Variants in FTO observed in about 807,000 individuals in gnomAD.
FTO encodes alpha-ketoglutarate-dependent dioxygenase FTO.
A neutral mutation model predicts 63.9 loss-of-function variants in FTO; 47 were observed. That is an observed-to-expected ratio of 0.74 (90% CI 0.58 to 0.94). The LOEUF (loss-of-function observed/expected upper bound fraction) is 0.94, where lower values mean the gene tolerates loss of function less well. Among genes scored for constraint, FTO ranks in the 40% least tolerant of loss-of-function variants. The probability of loss-of-function intolerance (pLI) is 0.00; values close to 1 mark genes in which losing one functional copy is unlikely to be tolerated. For missense variants in FTO, 562 were observed against 618.1 expected (o/e 0.91, Z 0.96); for synonymous variants, 207 against 224.4 (o/e 0.92, Z 0.69).
intron 8 of FTO, among the ~76,000 whole-genome samples, chr16:53,984,657 G>A (rs2083625130): frequency 6.6e-6 from 1 of 152,084 alleles, no homozygotes; most frequent in African/African-American, 2.4e-5. Flanking sequence ...TGTGAGGCAG[G>A]ACAGTATTCA....
At chr16:53,967,562 G>T (rs1407888192) in intron 8 of FTO, among the ~76,000 whole-genome samples, 1 of 152,136 alleles carries the variant, frequency 6.6e-6, no homozygotes, top group East Asian at 1.9e-4. Flanking sequence ...ACAAGCCAAC[G>T]CAGTGAAATT....
At position 53,934,042 on chromosome 16, in the gene FTO, G is replaced by A; in HGVS notation, c.1297G>A (p.Glu433Lys). 1 of 1,614,136 alleles carries A rather than the reference G, an allele frequency of 6.2e-7. No homozygotes were observed. The highest frequency in any genetic ancestry group is 1.7e-5 in the Admixed American group (1 of 60,032). Residue 433 changes from glutamate to lysine, a missense_variant, in exon 8 of 9, where the codon GAA becomes AAA. Physicochemically the swap from Glu to Lys is moderately conservative, Grantham distance 56. Coordinates refer to ENST00000471389, the MANE Select transcript of FTO (RefSeq NM_001080432.3). Reference sequence around the variant, plus strand: ...GGGGCTCCCCGTGGAACAAAGGAATGAAATCTTGACTGCCATCCTTGCCTC... The same window carrying A: ...GGGGCTCCCCGTGGAACAAAGGAATAAAATCTTGACTGCCATCCTTGCCTC... Reference protein sequence around the residue: ...REGLPVEQRNEILTAILASLT... With the variant: ...REGLPVEQRNKILTAILASLT...
At position 54,120,050 on chromosome 16, in the gene FTO, G is replaced by A. The variant is rs1479370496; in HGVS notation, c.*8135G>A. 1 of 152,232 alleles carries A rather than the reference G, an allele frequency of 6.6e-6. No homozygotes were observed. Among genetic ancestry groups the A allele is most frequent in the Non-Finnish European group, 1.5e-5 (1 of 68,048 alleles). 9.4% of individuals were successfully genotyped at this position (152,232 alleles called of 1,614,324 possible). A position where few individuals can be genotyped will look rare whatever the true frequency, so the allele number is the denominator to read the frequency against. On this transcript the variant is annotated 3_prime_UTR_variant, in exon 9 of 9. Transcript: ENST00000471389. ...TAAGTGAGCTGTGCGTGCAGAATGG[G>A]AGAGGCATCCCTGCCAAGGACTTCA...
At chr16:53,766,338 A>G (rs901144346) in intron 1 of FTO, among the ~76,000 whole-genome samples, 6 of 151,892 alleles carry the variant, frequency 4.0e-5, no homozygotes, top group African/African-American at 1.5e-4. Flanking sequence ...CGATCCTCTC[A>G]CCTTAGTCTC....
At chr16:53,854,567 C>T (rs993950556) in intron 4 of FTO, among the ~76,000 whole-genome samples, 2 of 151,598 alleles carry the variant, frequency 1.3e-5, no homozygotes, top group African/African-American at 2.4e-5. Flanking sequence ...TCCAGTATAT[C>T]CTTTGTCGAA....
intron 8 of FTO, among the ~76,000 whole-genome samples, chr16:54,085,773 A>G (rs1271644707): frequency 6.6e-6 from 1 of 152,156 alleles, no homozygotes; most frequent in African/African-American, 2.4e-5. Context: ...AGAAACCTAC[A>G]TACCCTCCGA....
chr16:54,078,430 G>T (rs1257689635), intron 8 of FTO, among the ~76,000 whole-genome samples: 1 of 145,510 alleles, frequency 6.9e-6, no homozygotes, highest in Non-Finnish European at 1.5e-5. Context: ...ATATATATTT[G>T]CACACACACA....
chr16:54,035,290 C>A (rs539418202), intron 8 of FTO, among the ~76,000 whole-genome samples: 5 of 152,252 alleles, frequency 3.3e-5, no homozygotes, highest in African/African-American at 9.6e-5. Flanking sequence ...GAAATGAAAC[C>A]CCTACGAGGC....
At chr16:53,795,772 G>A (rs764945196) in intron 1 of FTO, among the ~76,000 whole-genome samples, 6 of 152,092 alleles carry the variant, frequency 3.9e-5, no homozygotes, top group East Asian at 1.9e-4. Flanking sequence ...AATTACCTAC[G>A]AAAGAAAGAT....
At chr16:53,805,511 G>A (rs1033494558) in intron 1 of FTO, among the ~76,000 whole-genome samples, 2 of 146,366 alleles carry the variant, frequency 1.4e-5, no homozygotes, top group Non-Finnish European at 3.0e-5. Context: ...GCAGTGGCGT[G>A]ATCTCGGCTC....
chr16:53,937,341 G>T, intron 8 of FTO: 3 of 398,502 alleles, frequency 7.5e-6, no homozygotes, highest in Non-Finnish European at 1.3e-5. Flanking sequence ...ATTCGCCTTT[G>T]TTTATCCAGT....
intron 8 of FTO, among the ~76,000 whole-genome samples, chr16:54,049,634 A>T (rs1434324947): frequency 1.3e-5 from 2 of 152,222 alleles, no homozygotes; most frequent in African/African-American, 2.4e-5. Context: ...TTTGCATTTA[A>T]CTCATTCAAG....
In FTO at chr16:53,825,994, T is replaced by A. The variant is rs2078995743; in HGVS notation, c.254T>A (p.Ile85Asn). Residue 85 changes from isoleucine to asparagine, a missense_variant, in exon 3 of 9, where the codon ATC (isoleucine) becomes AAC (asparagine). By Grantham distance (149) the Ile-to-Asn change is moderately radical. Coordinates refer to ENST00000471389, the MANE Select transcript of FTO (RefSeq NM_001080432.3). ...TGCTTATTTCGGGACCTGGTTAGGA[T>A]CCAAGGCAAAGATCTGCTCACTCCG... ...HGCLFRDLVR[I>N]QGKDLLTPVS... 1 of 1,614,056 alleles carries A rather than the reference T, an allele frequency of 6.2e-7. No homozygotes were observed.
At chr16:53,704,283 G>GGGAACC in intron 1 of FTO, 54 bp downstream of exon 1, 2 of 1,531,094 alleles carry the variant, frequency 1.3e-6, no homozygotes, top group South Asian at 2.4e-5. Context: ...GCAAGGATCA[G>GGGAACC]GGAACCGGAA....
chr16:54,069,367 G>C lies in FTO; in HGVS notation c.1365-42395G>C, dbSNP rs76218845. 1.8e-3 allele frequency among the ~76,000 whole-genome samples: 273 copies of C among 152,254 alleles called. 3 individuals are homozygous for C. In the East Asian group the frequency reaches 0.049, roughly 27 times the overall value. On this transcript the variant is annotated intron_variant, in intron 8 of 8. Coordinates refer to ENST00000471389, the MANE Select transcript of FTO (RefSeq NM_001080432.3). ...GAACCAGAGGTTTAACATTCAGGGAGAGCCTACCTAATCTAGTGATTACAA... is the reference window on the plus strand; with the variant it reads ...GAACCAGAGGTTTAACATTCAGGGACAGCCTACCTAATCTAGTGATTACAA...
chr16:54,041,345 G>A (rs112182213), intron 8 of FTO, among the ~76,000 whole-genome samples: 26,923 of 151,912 alleles, frequency 0.18, 3,227 homozygotes, highest in Non-Finnish European at 0.26. Flanking sequence ...GAACAGCATG[G>A]GGGAAACCGC....
chr16:53,732,183 G>A (rs944553633), intron 1 of FTO, among the ~76,000 whole-genome samples: 1 of 151,786 alleles, frequency 6.6e-6, no homozygotes, highest in African/African-American at 2.4e-5. Flanking sequence ...TGAGTAGCTG[G>A]GACTACAGGC....
At chr16:54,078,037 C>T (rs1018413947) in intron 8 of FTO, among the ~76,000 whole-genome samples, 3 of 152,038 alleles carry the variant, frequency 2.0e-5, no homozygotes, top group Non-Finnish European at 2.9e-5. Context: ...CACTGTCTGT[C>T]GAAAAACTTC....
Position 54,112,085 on chromosome 16 carries a change from T to A in FTO, c.*170T>A. The A allele has an allele frequency of 1.4e-6, 1 of 694,284 alleles. No homozygotes were observed. The highest frequency in any genetic ancestry group is 2.5e-6 in the Non-Finnish European group (1 of 399,398). 43.0% of individuals were successfully genotyped at this position (694,284 alleles called of 1,614,324 possible). On this transcript the variant is annotated 3_prime_UTR_variant, in exon 9 of 9. Coordinates refer to ENST00000471389, the MANE Select transcript of FTO (RefSeq NM_001080432.3). ...GGTGCCCATGAAGTTTTAAATGTTT[T>A]AAAATGACCCTGTGTTATAGTCTGA...
Sources: allele counts gnomAD v4.1 joint callset (sites outside exome capture counted in the v4.1 genomes callset), GRCh38; gene constraint gnomAD v4.1.1; transcripts MANE v1.5; gene names NCBI Gene and HGNC (gene_info 2026-07-23, HGNC 2026-07-21).